HDAC5: variants seen among roughly 807,000 people sequenced by gnomAD.
The protein encoded by HDAC5 is antigen NY-CO-9.
In HDAC5, 25 loss-of-function variants were observed where a neutral mutation model predicts 133.3. The ratio of observed to expected loss-of-function variants is 0.19; its 90% CI spans 0.14 to 0.26. HDAC5 has a LOEUF of 0.26. HDAC5 is among the 10% of genes least tolerant of loss of function. The pLI is 1.00. For synonymous variants in HDAC5, 589 were observed against 610.8 expected, an observed-to-expected ratio of 0.96 and a Z score of 0.53; for missense variants, 1,041 against 1,460.5, an observed-to-expected ratio of 0.71 and a Z score of 4.68.
intron 6 of HDAC5, 140 bp downstream of exon 6, chr17:44,092,952 C>A: frequency 1.5e-6 from 1 of 665,512 alleles, no homozygotes; most frequent in South Asian, 2.0e-5. Flanking sequence ...AGGAAATAAA[C>A]CAGGGATGGG....
At chr17:44,110,957 T>G in intron 2 of HDAC5, 157 bp from the exon 3 acceptor site, 1 of 641,262 alleles carries the variant, frequency 1.6e-6, no homozygotes, top group Non-Finnish European at 2.8e-6. Flanking sequence ...ACAGGTTCCC[T>G]CAGGCCACTG....
In HDAC5 at chr17:44,087,485, A is replaced by C; in HGVS notation, c.1811T>G (p.Val604Gly). ...DGEEEEDCIQ[V>G]KDEEGESGAE... ...ACCACTCTCGCCCTCCTCGTCCTTA[A>C]CCTGGATGCAATCCTCCTCCTCCTC... The change falls in exon 13 of 27, where the codon GTT becomes GGT. Residue 604 changes from valine (V) to glycine (G), a missense_variant. Coordinates refer to ENST00000682912, the MANE Select transcript of HDAC5 (RefSeq NM_005474.5). The C allele has an allele frequency of 6.4e-7, 1 of 1,571,418 alleles. No homozygotes were observed. Among genetic ancestry groups the C allele is most frequent in the Non-Finnish European group, 8.8e-7 (1 of 1,141,332 alleles).
intron 11 of HDAC5, among the ~76,000 whole-genome samples, chr17:44,089,931 C>CAAAAAAAAAAAAAA: frequency 1.2e-5 from 1 of 86,600 alleles, no homozygotes; most frequent in South Asian, 4.6e-4. Flanking sequence ...GATTCTGTCT[C>CAAAAAAAAAAAAAA]AAAAAAAAAA....
At chr17:44,116,171 C>T (rs998032524) in intron 2 of HDAC5, among the ~76,000 whole-genome samples, 1 of 152,246 alleles carries the variant, frequency 6.6e-6, no homozygotes, top group African/African-American at 2.4e-5. Context: ...CTGCAGATGG[C>T]TCCTGGACAG....
rs531280608 is a variant in HDAC5, at chr17:44,105,403, T to C, written c.94+5326A>G. Among the ~76,000 whole-genome samples the C allele has an allele frequency of 4.0e-3, 607 of 152,292 alleles. 3 individuals carry two copies. The highest frequency in any genetic ancestry group is 0.014 in the African/African-American group (576 of 41,554). ...GATCCTGGGATGCTCTCTGGAGAAA[T>C]AGACTCACATTTCCCAGTCCAGCCA... On this transcript the variant is annotated intron_variant, in intron 3 of 26. Coordinates refer to ENST00000682912, the MANE Select transcript of HDAC5 (RefSeq NM_005474.5).
intron 3 of HDAC5, among the ~76,000 whole-genome samples, chr17:44,101,568 T>C (rs1307336542): frequency 6.6e-6 from 1 of 152,132 alleles, no homozygotes; most frequent in African/African-American, 2.4e-5. Flanking sequence ...TCCGTGCAGA[T>C]ACTCCCTGGA....
chr17:44,111,720 A>G (rs2052359677), intron 2 of HDAC5: 1 of 508,042 alleles, frequency 2.0e-6, no homozygotes, highest in South Asian at 1.4e-5. Flanking sequence ...CACCCCTTCA[A>G]CCAGCAGAGA....
chr17:44,105,336 G>A (rs2051865192), intron 3 of HDAC5, among the ~76,000 whole-genome samples: 1 of 152,166 alleles, frequency 6.6e-6, no homozygotes, highest in African/African-American at 2.4e-5. Flanking sequence ...CCTGATGGAA[G>A]GCATAAAACA....
chr17:44,117,979 C>A lies in HDAC5; in HGVS notation c.-189-275G>T, dbSNP rs193260182. ...GAGTGTCTACTGCCAGCTGGGGAGACCCTATAGACTCCCAACAGTGCCTGC... is the reference window on the plus strand; with the variant it reads ...GAGTGTCTACTGCCAGCTGGGGAGAACCTATAGACTCCCAACAGTGCCTGC... On this transcript the variant is annotated intron_variant, in intron 1 of 26. Coordinates refer to ENST00000682912, the MANE Select transcript of HDAC5 (RefSeq NM_005474.5). This position sits in a 1 kb window ranked among gnomAD's most constrained non-coding sequence, Gnocchi z 4.2. 6.6e-6 allele frequency among the ~76,000 whole-genome samples: 1 copy of A among 152,270 alleles called. No homozygotes were observed. Among genetic ancestry groups the A allele is most frequent in the Admixed American group, 6.5e-5 (1 of 15,302 alleles).
intron 11 of HDAC5, 69 bp downstream of exon 11, chr17:44,091,201 T>C (rs2050928561): frequency 8.6e-7 from 1 of 1,157,958 alleles, no homozygotes; most frequent in African/African-American, 1.5e-5. Context: ...TGTGACAGGG[T>C]TGGAGAGTAT....
At chr17:44,107,717 G>A (rs1038741230) in intron 3 of HDAC5, among the ~76,000 whole-genome samples, 1 of 151,014 alleles carries the variant, frequency 6.6e-6, no homozygotes, top group Non-Finnish European at 1.5e-5. Context: ...TTACCCTCCC[G>A]GCACTACATA....
At chr17:44,098,183 GC>G (rs1203006195) in intron 3 of HDAC5, among the ~76,000 whole-genome samples, 1 of 152,240 alleles carries the variant, frequency 6.6e-6, no homozygotes, top group Non-Finnish European at 1.5e-5. Context: ...AATAGAGTCT[GC>G]CCAGGCACAG....
intron 11 of HDAC5, 36 bp from the exon 12 acceptor site, chr17:44,088,634 C>T: frequency 6.3e-7 from 1 of 1,592,938 alleles, no homozygotes; most frequent in Non-Finnish European, 8.6e-7. Context: ...GCACCATTGT[C>T]AGGGCACCTG....
At position 44,084,687 on chromosome 17, in the gene HDAC5, A is replaced by T. The variant is rs764722765; in HGVS notation, c.2185-12T>A. Reference sequence around the variant, plus strand: ...CGACCTCGGATCCGCTGCCAGGAGGATCAGTAAGAGGGGTCACACAAAGGC... The same window carrying T: ...CGACCTCGGATCCGCTGCCAGGAGGTTCAGTAAGAGGGGTCACACAAAGGC... On this transcript the variant is annotated splice_polypyrimidine_tract_variant and intron_variant, in intron 15 of 26. Coordinates refer to ENST00000682912, the MANE Select transcript of HDAC5 (RefSeq NM_005474.5). 5.0e-6 allele frequency: 8 copies of T among 1,613,550 alleles called. No individual in the cohort carries two copies. Among genetic ancestry groups the T allele is most frequent in the Non-Finnish European group, 6.8e-6 (8 of 1,179,768 alleles).
intron 3 of HDAC5, among the ~76,000 whole-genome samples, chr17:44,101,485 C>G (rs2051606175): frequency 6.6e-6 from 1 of 151,220 alleles, no homozygotes; most frequent in African/African-American, 2.4e-5. Flanking sequence ...GGGAGGGGAC[C>G]CAAGGGGCGT....
In HDAC5 at chr17:44,117,482, C is replaced by T; in HGVS notation, c.22+12G>A. The T allele has an allele frequency of 6.2e-7, 1 of 1,614,162 alleles. No individual in the cohort carries two copies. The highest frequency in any genetic ancestry group is 8.5e-7 in the Non-Finnish European group (1 of 1,180,026). Reference sequence around the variant, plus strand: ...ACCCCAGGGTGCTCTTCTCCAACCTCCCAGCTCTTACCCGACTCGTTGGGA... The same window carrying T: ...ACCCCAGGGTGCTCTTCTCCAACCTTCCAGCTCTTACCCGACTCGTTGGGA... On this transcript the variant is annotated intron_variant, in intron 2 of 26. Transcript: ENST00000682912. The surrounding 1 kb of genome is among the most constrained non-coding windows in gnomAD (Gnocchi z 4.2).
chr17:44,122,385 T>C (rs2143694713), intron 1 of HDAC5, among the ~76,000 whole-genome samples: 1 of 151,964 alleles, frequency 6.6e-6, no homozygotes. Context: ...TTTGTTCCCA[T>C]AATCTGGCTC....
At chr17:44,086,838 T>C (rs2050674305) in intron 13 of HDAC5, 101 bp from the exon 14 acceptor site, 6 of 861,698 alleles carry the variant, frequency 7.0e-6, no homozygotes, top group Non-Finnish European at 9.4e-6. Context: ...TCCAGCCCTT[T>C]TCTTCCAAGT....
intron 2 of HDAC5, chr17:44,111,456 C>A: frequency 2.4e-6 from 1 of 414,938 alleles, no homozygotes; most frequent in South Asian, 1.7e-5. Context: ...AGAGGCTGGG[C>A]TGGGGAAGGG....
Sources: allele counts gnomAD v4.1 joint callset (sites outside exome capture counted in the v4.1 genomes callset), GRCh38; gene constraint gnomAD v4.1.1; non-coding constraint Gnocchi (gnomAD v3.1); transcripts MANE v1.5; gene names NCBI Gene and HGNC (gene_info 2026-07-23, HGNC 2026-07-21).